The following CACNB4 variants were observed in gnomAD, a reference collection of about 807,000 sequenced individuals.
CACNB4 encodes voltage-dependent L-type calcium channel subunit beta-4.
Under a neutral mutation model 71.2 loss-of-function variants are expected in CACNB4, and 32 were observed. The observed-to-expected ratio is 0.45, with a 90% CI of 0.34 to 0.60. CACNB4 has a LOEUF of 0.60. CACNB4 is among the 20% of genes least tolerant of loss of function. CACNB4 has a pLI of 0.01. For missense variants in CACNB4, 464 were observed against 647.9 expected, an observed-to-expected ratio of 0.72 and a Z score of 3.08; for synonymous variants, 231 against 236.9, an observed-to-expected ratio of 0.97 and a Z score of 0.23.
In CACNB4 at chr2:151,833,966, T is replaced by C. The variant is rs2099834352; in HGVS notation, c.*5153A>G. 1 of 151,998 alleles carries C rather than the reference T, an allele frequency of 6.6e-6. No individual in the cohort carries two copies. The highest frequency in any genetic ancestry group is 1.5e-5 in the Non-Finnish European group (1 of 67,916). The allele number at this position is 151,998 out of a possible 1,614,324, so 9.4% of individuals were successfully genotyped here. On this transcript the variant is annotated 3_prime_UTR_variant, in exon 14 of 14. Coordinates refer to ENST00000539935, the MANE Select transcript of CACNB4 (RefSeq NM_000726.5). ...AAAATATTGTAAGGCATATGAAAAATAGTATGCAACGATATAGCGTTAATG... is the reference window on the plus strand; with the variant it reads ...AAAATATTGTAAGGCATATGAAAAACAGTATGCAACGATATAGCGTTAATG...
At chr2:152,025,381 G>A (rs1045417497) in intron 2 of CACNB4, among the ~76,000 whole-genome samples, 6 of 152,218 alleles carry the variant, frequency 3.9e-5, no homozygotes, top group Admixed American at 6.5e-5. Context: ...GAAAGACAAC[G>A]ACATTTTCTC....
intron 12 of CACNB4, among the ~76,000 whole-genome samples, chr2:151,847,499 C>T (rs974771106): frequency 6.6e-6 from 1 of 152,196 alleles, no homozygotes; most frequent in Non-Finnish European, 1.5e-5. Context: ...CATATCAAAA[C>T]TCCATTCTTT....
intron 2 of CACNB4, among the ~76,000 whole-genome samples, chr2:152,061,144 C>CA (rs1404880010): frequency 1.3e-5 from 2 of 152,006 alleles, no homozygotes; most frequent in Non-Finnish European, 2.9e-5. Flanking sequence ...CCCGTCTCCA[C>CA]AAAAAATTTT....
intron 2 of CACNB4, among the ~76,000 whole-genome samples, chr2:151,931,096 T>A (rs1377644644): frequency 2.6e-5 from 4 of 152,220 alleles, no homozygotes; most frequent in Admixed American, 6.5e-5. Context: ...CTTCCCCCAT[T>A]TTCTGTTTCA....
intron 2 of CACNB4, among the ~76,000 whole-genome samples, chr2:151,895,705 C>T (rs529920028): frequency 6.6e-6 from 1 of 151,732 alleles, no homozygotes; most frequent in Non-Finnish European, 1.5e-5. Context: ...CTTAAGATTA[C>T]CTGCATTAAC....
chr2:151,858,316 A>G (rs1024965394), intron 10 of CACNB4: 4 of 152,142 alleles, frequency 2.6e-5, no homozygotes, highest in Non-Finnish European at 5.9e-5. Context: ...AAACCTGTTC[A>G]TATTTCTCCC....
At chr2:152,033,698 T>C (rs12471157) in intron 2 of CACNB4, among the ~76,000 whole-genome samples, 27,722 of 152,138 alleles carry the variant, frequency 0.18, 3,805 homozygotes, top group East Asian at 0.74. Context: ...TTTAGAAAGT[T>C]CTAAATAATC....
chr2:151,927,570 G>A (rs1223288000), intron 2 of CACNB4, among the ~76,000 whole-genome samples: 2 of 152,190 alleles, frequency 1.3e-5, no homozygotes, highest in Non-Finnish European at 1.5e-5. Context: ...TGAACAAATT[G>A]GTTGTCTAGA....
chr2:152,012,412 T>C (rs574294092), intron 2 of CACNB4, among the ~76,000 whole-genome samples: 6 of 152,278 alleles, frequency 3.9e-5, no homozygotes, highest in Admixed American at 3.9e-4. Flanking sequence ...CAGACCAGCC[T>C]GACCAACATG....
At chr2:151,904,358 T>C (rs2099854237) in intron 2 of CACNB4, among the ~76,000 whole-genome samples, 1 of 152,182 alleles carries the variant, frequency 6.6e-6, no homozygotes, top group South Asian at 2.1e-4. Flanking sequence ...TTGAGTAATT[T>C]ACAAAAGCTA....
chr2:151,932,853 G>A (rs548195820), intron 2 of CACNB4, among the ~76,000 whole-genome samples: 2 of 151,154 alleles, frequency 1.3e-5, no homozygotes, highest in South Asian at 2.1e-4. Flanking sequence ...AAGGTGGGGG[G>A]TTGGGGAATT....
intron 12 of CACNB4, among the ~76,000 whole-genome samples, chr2:151,845,195 A>C (rs2099837244): frequency 6.6e-6 from 1 of 152,246 alleles, no homozygotes; most frequent in Non-Finnish European, 1.5e-5. Flanking sequence ...GAATGGATAG[A>C]ATTTGTATAT....
At chr2:152,071,671 A>G (rs1296446939) in intron 2 of CACNB4, among the ~76,000 whole-genome samples, 1 of 152,250 alleles carries the variant, frequency 6.6e-6, no homozygotes, top group Admixed American at 6.5e-5. Context: ...AAAAATAGCA[A>G]TTGGGCCTAT....
At chr2:151,918,639 T>TA (rs1325683216) in intron 2 of CACNB4, among the ~76,000 whole-genome samples, 1 of 152,250 alleles carries the variant, frequency 6.6e-6, no homozygotes, top group Non-Finnish European at 1.5e-5. Context: ...GAGCTGTGGC[T>TA]ATGGTGCATA....
chr2:151,952,628 T>C (rs1172550191), intron 2 of CACNB4, among the ~76,000 whole-genome samples: 1 of 152,162 alleles, frequency 6.6e-6, no homozygotes, highest in Non-Finnish European at 1.5e-5. Context: ...CTCCAAATAA[T>C]GGGACCCGAG....
At chr2:151,967,801 C>G (rs1432214510) in intron 2 of CACNB4, 1 of 151,378 alleles carries the variant, frequency 6.6e-6, no homozygotes, top group African/African-American at 2.4e-5. Flanking sequence ...TCAAAACATC[C>G]TGTTTTAAAT....
intron 2 of CACNB4, among the ~76,000 whole-genome samples, chr2:151,933,484 A>C (rs2099862119): frequency 6.6e-6 from 1 of 151,996 alleles, no homozygotes. Flanking sequence ...TGTTGGTTTT[A>C]TTGTAACTGT....
intron 2 of CACNB4, among the ~76,000 whole-genome samples, chr2:151,889,316 A>C (rs2099850157): frequency 6.6e-6 from 1 of 151,924 alleles, no homozygotes; most frequent in Admixed American, 6.6e-5. Flanking sequence ...AAATACAAAA[A>C]TTAGCCAGGT....
intron 2 of CACNB4, among the ~76,000 whole-genome samples, chr2:151,915,398 G>A (rs1050748744): frequency 2.6e-5 from 4 of 152,220 alleles, no homozygotes; most frequent in Non-Finnish European, 4.4e-5. Context: ...GGAGCTCAGC[G>A]TGTTAGGCAG....
Sources: allele counts gnomAD v4.1 joint callset (sites outside exome capture counted in the v4.1 genomes callset), GRCh38; gene constraint gnomAD v4.1.1; transcripts MANE v1.5; gene names NCBI Gene and HGNC (gene_info 2026-07-23, HGNC 2026-07-21).